The following INTS6 variants were observed in gnomAD, a reference collection of about 807,000 sequenced individuals.
The protein encoded by INTS6 is DEAD box protein.
INTS6 carries 16 observed loss-of-function variants against 104.9 expected under a neutral mutation model. That is an observed-to-expected ratio of 0.15 (90% CI 0.10 to 0.23). The LOEUF is 0.23. INTS6 is among the 10% of genes least tolerant of loss of function. The pLI is 1.00. For missense variants in INTS6, 584 were observed against 1,062.8 expected, an observed-to-expected ratio of 0.55 and a Z score of 6.26; for synonymous variants, 324 against 358.7, an observed-to-expected ratio of 0.90 and a Z score of 1.09.
intron 16 of INTS6, 32 bp downstream of exon 16, chr13:51,368,907 C>G: frequency 3.3e-6 from 5 of 1,513,212 alleles, no homozygotes; most frequent in Middle Eastern, 1.8e-4. Flanking sequence ...ATACAGAAAT[C>G]AGATCTGAGG....
rs2137922261 is a variant in INTS6 at position 51,383,735 on chromosome 13, G to A, written c.901C>T (p.Arg301Cys). The A allele has an allele frequency of 6.2e-7, 1 of 1,607,184 alleles. No homozygotes were observed. Among genetic ancestry groups the A allele is most frequent in the Non-Finnish European group, 8.5e-7 (1 of 1,176,326 alleles). ...PDQNSPTLPP[R>C]TSHPVVKFSC... ...AACTTCACTACAGGATGAGATGTAC[G>A]AGGTGGCTAAAGGGGAAAGTCTTGT... Residue 301 changes from arginine to cysteine, a missense_variant, in exon 8 of 18, where the codon CGT becomes TGT. This residue lies in a region of INTS6 where 144 missense variants were observed against 348.7 expected (regional missense o/e 0.41). Transcript: ENST00000311234.
rs773946825 is a variant in INTS6 at position 51,379,483 on chromosome 13, G to A, written c.1365C>T (p.Tyr455=). The A allele has an allele frequency of 3.1e-6, 5 of 1,592,092 alleles. No individual in the cohort carries two copies. The highest frequency in any genetic ancestry group is 3.4e-6 in the Non-Finnish European group (4 of 1,168,126). Residue 455 remains tyrosine, a synonymous_variant, in exon 11 of 18, where the codon TAC becomes TAT. Coordinates refer to ENST00000311234, the MANE Select transcript of INTS6 (RefSeq NM_012141.3). ...TTACCTGTTGACTCAGTTTTTTGAG[G>A]TATGAAATGACACTGTAACTAAGTC... ...EYGLSYSVIS[Y]LKKLSQQAKI...
chr13:51,361,673 C>A lies in INTS6; in HGVS notation c.*4079G>T, dbSNP rs1955579945. The A allele has an allele frequency of 1.1e-5, 8 of 731,168 alleles. No homozygotes were observed. The highest frequency in any genetic ancestry group is 1.5e-5 in the Non-Finnish European group (7 of 462,866). 45.3% of individuals were successfully genotyped at this position (731,168 alleles called of 1,614,324 possible). On this transcript the variant is annotated 3_prime_UTR_variant, in exon 18 of 18. Coordinates refer to ENST00000311234, the MANE Select transcript of INTS6 (RefSeq NM_012141.3). ...TTTCTCTTTAATTTTCCCATCTGCA[C>A]CCCCATCACAACAGTAAACAATCAA...
At chr13:51,447,114 T>C (rs1952935077) in intron 3 of INTS6, 1 of 152,244 alleles carries the variant, frequency 6.6e-6, no homozygotes, top group Admixed American at 6.5e-5. Flanking sequence ...GTTTCCAGTT[T>C]ATATTCAACA....
At chr13:51,411,978 A>C (rs1956696471) in intron 4 of INTS6, among the ~76,000 whole-genome samples, 1 of 152,224 alleles carries the variant, frequency 6.6e-6, no homozygotes, top group African/African-American at 2.4e-5. Flanking sequence ...CTCAGCAATA[A>C]AAAGAAACAA....
chr13:51,366,096 C>T (rs954542882), intron 17 of INTS6, among the ~76,000 whole-genome samples: 4 of 150,870 alleles, frequency 2.7e-5, no homozygotes, highest in East Asian at 1.9e-4. Context: ...CTTCCACAAC[C>T]GAAAAGAAAA....
At chr13:51,439,024 G>A (rs1274435015) in intron 3 of INTS6, 1 of 152,184 alleles carries the variant, frequency 6.6e-6, no homozygotes, top group Admixed American at 6.5e-5. Flanking sequence ...CCAAAAGACT[G>A]TTGTTGTTTC....
chr13:51,429,785 A>AAAAAAAAAAAAATATAT (rs1156333077), intron 4 of INTS6, among the ~76,000 whole-genome samples: 6 of 92,378 alleles, frequency 6.5e-5, no homozygotes, highest in Non-Finnish European at 9.9e-5. Flanking sequence ...AAAAAAAAAA[A>AAAAAAAAAAAAATATAT]ATATATATAT....
chr13:51,352,266 G>A (rs888501905), downstream of INTS6, among the ~76,000 whole-genome samples: 1 of 151,892 alleles, frequency 6.6e-6, no homozygotes, highest in Non-Finnish European at 1.5e-5. Flanking sequence ...TTCCATTTAG[G>A]TCTTTCTTTG....
At chr13:51,348,384 G>A in the INTS6 span, 3 of 1,613,840 alleles carry the variant, frequency 1.9e-6, no homozygotes, top group African/African-American at 4.0e-5. Flanking sequence ...AGCCTGAGGA[G>A]AGCCAGGATG....
At chr13:51,359,583 A>G (rs1222599759), downstream of INTS6, among the ~76,000 whole-genome samples, 1 of 152,098 alleles carries the variant, frequency 6.6e-6, no homozygotes, top group Non-Finnish European at 1.5e-5. Context: ...ATCCACATCA[A>G]CTGGTCTCAT....
intron 4 of INTS6, among the ~76,000 whole-genome samples, chr13:51,424,799 A>C: frequency 6.6e-6 from 1 of 152,034 alleles, no homozygotes; most frequent in African/African-American, 2.4e-5. Flanking sequence ...GAAAATTCAA[A>C]CACATGTAAC....
chr13:51,395,115 C>G (rs1246542088), intron 5 of INTS6, among the ~76,000 whole-genome samples, 185 bp downstream of exon 5: 1 of 152,162 alleles, frequency 6.6e-6, no homozygotes, highest in Non-Finnish European at 1.5e-5. Flanking sequence ...AATAGTAACC[C>G]ACATTCTATT....
At chr13:51,420,970 C>T (rs1463419440) in intron 4 of INTS6, 3 of 254,608 alleles carry the variant, frequency 1.2e-5, no homozygotes, top group South Asian at 1.5e-4. Context: ...GTCTGATAAT[C>T]ATCATCAACC....
Position 51,451,107 on chromosome 13 carries a change from G to T in INTS6, c.257C>A (p.Thr86Lys). The T allele has an allele frequency of 1.3e-6, 2 of 1,586,452 alleles. No individual in the cohort carries two copies. Among genetic ancestry groups the T allele is most frequent in the Non-Finnish European group, 8.6e-7 (1 of 1,167,774 alleles). ...ELKNLQAEGL[T>K]TLGQSLRTAF... The stretch of plus-strand genomic sequence containing the variant: ...TGTCCTTAGGGATTGGCCAAGAGTC[G>T]TAAGTCCTTCAGCCTGAAGGTTTTT... The change falls in exon 3 of 18, where the codon ACG (threonine) becomes AAG (lysine). Residue 86 changes from threonine to lysine, a missense_variant. By Grantham distance (78) the Thr-to-Lys change is moderately conservative. Transcript: ENST00000311234.
At chr13:51,338,083 G>T in the INTS6 span, among the ~76,000 whole-genome samples, 1 of 152,208 alleles carries the variant, frequency 6.6e-6, no homozygotes, top group African/African-American at 2.4e-5. Context: ...TTAAAAGCAA[G>T]TTAGAATGGC....
In INTS6 at chr13:51,365,762, T is replaced by G. The variant is rs1267990811; in HGVS notation, c.2654A>C (p.Asn885Thr). Reference sequence around the variant, plus strand: ...ACATTCTATTTTCTTTTAATTGCTATTAATATGGTTGATCTGATTGGCTCT... The same window carrying G: ...ACATTCTATTTTCTTTTAATTGCTAGTAATATGGTTGATCTGATTGGCTCT... ...HRRANQINHI[N>T]SN Residue 885 changes from asparagine to threonine, a missense_variant, in exon 18 of 18, where the codon AAT becomes ACT. Around this residue, in one of 5 missense-constraint regions of INTS6, gnomAD observed 296 missense variants for 437.0 expected, o/e 0.68. Coordinates refer to ENST00000311234, the MANE Select transcript of INTS6 (RefSeq NM_012141.3). 6.4e-7 allele frequency: 1 copy of G among 1,558,840 alleles called. No homozygotes were observed. The highest frequency in any genetic ancestry group is 2.3e-5 in the East Asian group (1 of 44,306).
the INTS6 span, among the ~76,000 whole-genome samples, chr13:51,335,362 A>C: frequency 6.6e-6 from 1 of 152,238 alleles, no homozygotes; most frequent in African/African-American, 2.4e-5. Flanking sequence ...ATTTCAGAAG[A>C]GGAAACAGAA....
intron 3 of INTS6, among the ~76,000 whole-genome samples, chr13:51,431,535 T>C (rs776121681): frequency 1.3e-5 from 2 of 152,210 alleles, no homozygotes; most frequent in Non-Finnish European, 2.9e-5. Context: ...TATGGTCCTA[T>C]AACCTTTCTC....
Sources: allele counts gnomAD v4.1 joint callset (sites outside exome capture counted in the v4.1 genomes callset), GRCh38; gene constraint gnomAD v4.1.1; regional missense constraint gnomAD v4.1.1; transcripts MANE v1.5; gene names NCBI Gene and HGNC (gene_info 2026-07-23, HGNC 2026-07-21).